PRKG2: variants seen among roughly 807,000 people sequenced by gnomAD.
PRKG2 encodes protein kinase cGMP-dependent 2, also known as cGMP-dependent protein kinase 2.
A neutral mutation model predicts 97.2 loss-of-function variants in PRKG2; 33 were observed. The observed-to-expected ratio is 0.34, with a 90% CI of 0.26 to 0.45. PRKG2 has a LOEUF of 0.45. Among genes scored for constraint, PRKG2 ranks in the 20% least tolerant of loss-of-function variants. The pLI, the probability that PRKG2 is intolerant of heterozygous loss-of-function variation, is 1.00. For synonymous variants in PRKG2, 330 were observed against 321.8 expected, an observed-to-expected ratio of 1.03 and a Z score of -0.27; for missense variants, 638 against 900.0, an observed-to-expected ratio of 0.71 and a Z score of 3.73.
chr4:81,176,555 A>G (rs1325545029), intron 2 of PRKG2, among the ~76,000 whole-genome samples: 3 of 152,180 alleles, frequency 2.0e-5, no homozygotes, highest in African/African-American at 7.2e-5. Flanking sequence ...CAGCTTTCGC[A>G]GACTTTATAT....
chr4:81,133,768 G>A (rs558084386), intron 14 of PRKG2, among the ~76,000 whole-genome samples: 1 of 152,014 alleles, frequency 6.6e-6, no homozygotes, highest in South Asian at 2.1e-4. Flanking sequence ...GTTATTTATT[G>A]ACCTCTATGC....
intron 7 of PRKG2, 47 bp from the exon 8 acceptor site, chr4:81,152,101 G>C: frequency 5.6e-6 from 8 of 1,434,200 alleles, no homozygotes; most frequent in Non-Finnish European, 5.8e-6. Context: ...GAAGAAAAAG[G>C]AGAATCTGAA....
intron 2 of PRKG2, among the ~76,000 whole-genome samples, chr4:81,202,325 T>G (rs1412702831): frequency 6.6e-6 from 1 of 152,232 alleles, no homozygotes; most frequent in African/African-American, 2.4e-5. Context: ...TTTCTGAATT[T>G]ATAAAGTTAA....
intron 10 of PRKG2, 143 bp from the exon 11 acceptor site, chr4:81,143,090 TG>T: frequency 9.2e-7 from 1 of 1,092,122 alleles, no homozygotes; most frequent in Non-Finnish European, 1.3e-6. Context: ...CCAACTTTTA[TG>T]GATCAGATTC....
At chr4:81,169,842 G>A in intron 4 of PRKG2, 74 bp from the exon 5 acceptor site, 1 of 948,582 alleles carries the variant, frequency 1.1e-6, no homozygotes, top group Non-Finnish European at 1.6e-6. Context: ...TAAATCGATG[G>A]ATTTGTTATA....
intron 1 of PRKG2, among the ~76,000 whole-genome samples, chr4:81,214,688 A>G (rs1414020181): frequency 6.6e-6 from 1 of 152,134 alleles, no homozygotes; most frequent in African/African-American, 2.4e-5. Context: ...CCCGCCCTCA[A>G]CAGAACCTCT....
At position 81,204,827 on chromosome 4, in the gene PRKG2, T is replaced by C; in HGVS notation, c.221A>G (p.Asn74Ser). The change falls in exon 2 of 19, where the codon AAC becomes AGC. Residue 74 changes from asparagine to serine, a missense_variant. By Grantham distance (46) the Asn-to-Ser change is conservative. Transcript: ENST00000264399. ...AIAELTEELQ[N>S]KCIQLNKLQD... ...CAGCTTGTTCAGCTGGATGCACTTG[T>C]TCTGGAGCTCCTCTGTGAGTTCAGC... 6.2e-7 allele frequency: 1 copy of C among 1,614,174 alleles called. No individual in the cohort carries two copies. The highest frequency in any genetic ancestry group is 1.3e-5 in the African/African-American group (1 of 75,046).
At chr4:81,198,152 T>G (rs1344798268) in intron 2 of PRKG2, among the ~76,000 whole-genome samples, 1 of 152,180 alleles carries the variant, frequency 6.6e-6, no homozygotes, top group Non-Finnish European at 1.5e-5. Context: ...TCATTAAATA[T>G]TTTTCCTAAC....
intron 5 of PRKG2, 21 bp from the exon 6 acceptor site, chr4:81,167,245 C>T (rs959408019): frequency 2.8e-6 from 4 of 1,440,796 alleles, no homozygotes; most frequent in Admixed American, 4.1e-5. Context: ...AAAAAGAAAC[C>T]TTCAATTACC....
chr4:81,155,285 A>C (rs1748941929), intron 6 of PRKG2, among the ~76,000 whole-genome samples: 1 of 151,998 alleles, frequency 6.6e-6, no homozygotes, highest in African/African-American at 2.4e-5. Flanking sequence ...TGAAGAATGC[A>C]GAAGCCTCAG....
chr4:81,151,344 T>C (rs1335091052), intron 8 of PRKG2, among the ~76,000 whole-genome samples: 2 of 152,082 alleles, frequency 1.3e-5, no homozygotes, highest in Non-Finnish European at 2.9e-5. Flanking sequence ...TGATCAGACT[T>C]GAGGTTTTAT....
At chr4:81,175,950 T>C (rs1750886152) in intron 2 of PRKG2, 1 of 152,166 alleles carries the variant, frequency 6.6e-6, no homozygotes. Flanking sequence ...TTTAAGTACT[T>C]TTTTCTGTAT....
chr4:81,137,026 T>C (rs1282083338), intron 13 of PRKG2, among the ~76,000 whole-genome samples: 1 of 152,176 alleles, frequency 6.6e-6, no homozygotes, highest in Non-Finnish European at 1.5e-5. Flanking sequence ...GCTCTGCTTT[T>C]CAGTGAGGGC....
At chr4:81,151,148 A>G (rs1486232253) in intron 8 of PRKG2, among the ~76,000 whole-genome samples, 1 of 152,162 alleles carries the variant, frequency 6.6e-6, no homozygotes, top group Non-Finnish European at 1.5e-5. Flanking sequence ...ATAAATGAAC[A>G]GGAATACTAT....
At chr4:81,217,043 A>ATATATATATG (rs1553933225), upstream of PRKG2, among the ~76,000 whole-genome samples, 22 of 142,022 alleles carry the variant, frequency 1.5e-4, 2 homozygotes, top group African/African-American at 3.5e-4. Context: ...ATATATATAT[A>ATATATATATG]TATATATATA....
intron 17 of PRKG2, among the ~76,000 whole-genome samples, chr4:81,103,352 G>A (rs375774824): frequency 3.6e-4 from 52 of 146,224 alleles, no homozygotes; most frequent in African/African-American, 9.9e-4. Flanking sequence ...GGTTATCAAT[G>A]GCTCTAAAGG....
At chr4:81,116,145 T>C (rs1012238538) in intron 14 of PRKG2, among the ~76,000 whole-genome samples, 2 of 152,160 alleles carry the variant, frequency 1.3e-5, no homozygotes, top group Non-Finnish European at 1.5e-5. Flanking sequence ...GTAATAAGCA[T>C]AGTACCTGAT....
intron 1 of PRKG2, among the ~76,000 whole-genome samples, chr4:81,212,771 G>C (rs1379408893): frequency 6.6e-6 from 1 of 152,120 alleles, no homozygotes; most frequent in African/African-American, 2.4e-5. Context: ...GAGGAGAGGA[G>C]AGTGTCTAGG....
intron 14 of PRKG2, among the ~76,000 whole-genome samples, chr4:81,124,112 G>T (rs1232863848): frequency 1.3e-5 from 2 of 152,020 alleles, no homozygotes; most frequent in Non-Finnish European, 2.9e-5. Context: ...CATATCCTTT[G>T]TATGTAGAAG....
Sources: gnomAD v4.1 joint callset for allele counts (sites outside exome capture counted in the v4.1 genomes callset) on GRCh38, gnomAD v4.1.1 for gene constraint, MANE v1.5 for transcripts, NCBI Gene and HGNC (gene_info 2026-07-23, HGNC 2026-07-21) for gene names.